Variants in GPAA1 observed in about 807,000 individuals in gnomAD.
GPAA1 encodes glycosylphosphatidylinositol anchor attachment 1.
A neutral mutation model predicts 64.0 loss-of-function variants in GPAA1; 54 were observed. The ratio of observed to expected loss-of-function variants is 0.84; its 90% CI spans 0.68 to 1.06. The LOEUF (loss-of-function observed/expected upper bound fraction) is 1.06. Among genes scored for constraint, GPAA1 ranks in the 50% least tolerant of loss-of-function variants. The pLI is 0.00. For synonymous variants in GPAA1, 393 were observed against 377.3 expected, an observed-to-expected ratio of 1.04 and a Z score of -0.48; for missense variants, 780 against 822.3, an observed-to-expected ratio of 0.95 and a Z score of 0.63.
At position 144,084,274 on chromosome 8, in the gene GPAA1, A is replaced by G; in HGVS notation, c.757A>G (p.Asn253Asp). 2 of 1,613,800 alleles carry G rather than the reference A, an allele frequency of 1.2e-6. No individual in the cohort carries two copies. Among genetic ancestry groups the G allele is most frequent in the Non-Finnish European group, 1.7e-6 (2 of 1,180,004 alleles). ...GCAGCTGCCCAACCTTGACCTGCTC[A>G]ATCTCTTCCAGACCTTCTGCCAGAA... ...NGQLPNLDLL[N>D]LFQTFCQKGG... Residue 253 changes from asparagine (N) to aspartate (D), a missense_variant, in exon 6 of 12, where the codon AAT (asparagine) becomes GAT (aspartate). Asn to Asp is a conservative substitution (Grantham distance 23). Coordinates refer to ENST00000355091, the MANE Select transcript of GPAA1 (RefSeq NM_003801.4).
Position 144,086,135 on chromosome 8 carries a change from G to C in GPAA1, c.*10G>C. ...GCTCTTCTGGAAGTGAGATCTGCCT[G>C]TCCGGGCTGGGACAGAGACTCCCCA... On this transcript the variant is annotated 3_prime_UTR_variant, in exon 12 of 12. Coordinates refer to ENST00000355091, the MANE Select transcript of GPAA1 (RefSeq NM_003801.4). 6.2e-7 allele frequency: 1 copy of C among 1,608,644 alleles called. No individual in the cohort carries two copies. The highest frequency in any genetic ancestry group is 8.5e-7 in the Non-Finnish European group (1 of 1,176,862).
chr8:144,083,086 C>G, intron 1 of GPAA1, 38 bp from the exon 2 acceptor site: 3 of 1,584,928 alleles, frequency 1.9e-6, no homozygotes, highest in Non-Finnish European at 1.7e-6. Context: ...GTCTGAGGAC[C>G]CGCTGACGCT....
chr8:144,084,898 T>A (rs367573617), intron 8 of GPAA1, 23 bp downstream of exon 8: 1 of 1,612,368 alleles, frequency 6.2e-7, no homozygotes, highest in Non-Finnish European at 8.5e-7. Context: ...CCTTGCCATC[T>A]ACCTGTGACC....
chr8:144,084,745 A>C lies in GPAA1; in HGVS notation c.1034A>C (p.Lys345Thr), dbSNP rs1554764098. The C allele has an allele frequency of 1.2e-6, 2 of 1,613,880 alleles. No individual in the cohort carries two copies. The highest frequency in any genetic ancestry group is 1.7e-6 in the Non-Finnish European group (2 of 1,179,970). Reference protein sequence around the residue: ...VGKALEGMFRKLNHLLERLHQ... With the variant: ...VGKALEGMFRTLNHLLERLHQ... Reference sequence around the variant, plus strand: ...AGGGCTTTGGAGGGCATGTTCCGCAAGCTCAACCACCTCCTGGAGCGCCTG... The same window carrying C: ...AGGGCTTTGGAGGGCATGTTCCGCACGCTCAACCACCTCCTGGAGCGCCTG... The change falls in exon 8 of 12, where the codon AAG (lysine) becomes ACG (threonine). Residue 345 changes from lysine (K) to threonine (T), a missense_variant. Lys to Thr is a moderately conservative substitution (Grantham distance 78). Coordinates refer to ENST00000355091, the MANE Select transcript of GPAA1 (RefSeq NM_003801.4).
At chr8:144,082,850 C>T (rs986195968) in intron 1 of GPAA1, 46 bp downstream of exon 1, 3 of 1,319,006 alleles carry the variant, frequency 2.3e-6, no homozygotes, top group African/African-American at 3.1e-5. Context: ...GCCCTGGGCT[C>T]GCGCCGGCGG....
chr8:144,084,361 G>A, intron 6 of GPAA1, 31 bp downstream of exon 6: 1 of 1,611,986 alleles, frequency 6.2e-7, no homozygotes, highest in South Asian at 1.1e-5. Context: ...GAGGGCTGAA[G>A]GGCACAGGGT....
At position 144,083,242 on chromosome 8, in the gene GPAA1, G is replaced by T; in HGVS notation, c.193G>T (p.Ala65Ser). 3 of 1,609,352 alleles carry T rather than the reference G, an allele frequency of 1.9e-6. No individual in the cohort carries two copies. The highest frequency in any genetic ancestry group is 2.5e-6 in the Non-Finnish European group (3 of 1,177,178). Reference protein sequence around the residue: ...MGSTMVEEQFAGGDRARAFAR... With the variant: ...MGSTMVEEQFSGGDRARAFAR... ...CTCCACCATGGTGGAGGAGCAGTTTGCGGGCGGAGACCGTGCCCGGGCTTT... is the reference window on the plus strand; with the variant it reads ...CTCCACCATGGTGGAGGAGCAGTTTTCGGGCGGAGACCGTGCCCGGGCTTT... The change falls in exon 2 of 12, where the codon GCG becomes TCG. Residue 65 changes from alanine to serine, a missense_variant. By Grantham distance (99) the Ala-to-Ser change is moderately conservative. Transcript: ENST00000355091.
chr8:144,085,078 A>G lies in GPAA1; in HGVS notation c.1200A>G (p.Gly400=). 6.2e-7 allele frequency: 1 copy of G among 1,610,918 alleles called. No homozygotes were observed. The highest frequency in any genetic ancestry group is 8.5e-7 in the Non-Finnish European group (1 of 1,178,620). The change falls in exon 9 of 12, where the codon GGA becomes GGG. Residue 400 remains glycine (G), a synonymous_variant. Coordinates refer to ENST00000355091, the MANE Select transcript of GPAA1 (RefSeq NM_003801.4). The part of the protein sequence containing the change: ...LELWMQLHEA[G]MGLEEPGGAP... ...TGTGGATGCAGCTGCATGAGGCTGG[A>G]ATGGGCCTTGAGGAGCCCGGGGGTG...
At chr8:144,085,854 C>T in intron 11 of GPAA1, 28 bp from the exon 12 acceptor site, 1 of 1,601,346 alleles carries the variant, frequency 6.2e-7, no homozygotes, top group African/African-American at 1.3e-5. Flanking sequence ...CACCATGGAG[C>T]CTACCTTGAT....
At position 144,086,169 on chromosome 8, in the gene GPAA1, A is replaced by G; in HGVS notation, c.*44A>G. The stretch of plus-strand genomic sequence containing the variant: ...GGGACAGAGACTCCCCAAGGACCCC[A>G]TTCTGCCTCCTTCTGGGGAAATAAA... On this transcript the variant is annotated 3_prime_UTR_variant, in exon 12 of 12. Transcript: ENST00000355091. The G allele has an allele frequency of 6.3e-7, 1 of 1,584,740 alleles. No homozygotes were observed. The highest frequency in any genetic ancestry group is 8.6e-7 in the Non-Finnish European group (1 of 1,161,556).
At chr8:144,083,026 C>G in intron 1 of GPAA1, 98 bp from the exon 2 acceptor site, 2 of 1,189,982 alleles carry the variant, frequency 1.7e-6, no homozygotes, top group Non-Finnish European at 2.4e-6. Flanking sequence ...TTAGGTCTCC[C>G]AGACCCGCGC....
rs782420137 is a variant in GPAA1 at position 144,084,487 on chromosome 8, G to T, written c.888G>T (p.Arg296=). 3.7e-6 allele frequency: 6 copies of T among 1,613,280 alleles called. No homozygotes were observed. In the South Asian group the frequency reaches 6.6e-5, roughly 18 times the overall value. ...AGACACTGCTGCTCATGGTTCTGCGGCAGGCCTCCGGCCGCCCCCACGGCT... is the reference window on the plus strand; with the variant it reads ...AGACACTGCTGCTCATGGTTCTGCGTCAGGCCTCCGGCCGCCCCCACGGCT... ...GLQTLLLMVL[R]QASGRPHGSH... The change falls in exon 7 of 12, where the codon CGG becomes CGT. Residue 296 remains arginine (R), a synonymous_variant. Transcript: ENST00000355091.
chr8:144,085,999 C>T lies in GPAA1; in HGVS notation c.1740C>T (p.Leu580=), dbSNP rs528572635. 24 of 1,610,172 alleles carry T rather than the reference C, an allele frequency of 1.5e-5. No homozygotes were observed. Among genetic ancestry groups the T allele is most frequent in the Middle Eastern group, 1.7e-4 (1 of 6,036 alleles). Residue 580 remains leucine (L), a synonymous_variant, in exon 12 of 12, where the codon CTC becomes CTT. Coordinates refer to ENST00000355091, the MANE Select transcript of GPAA1 (RefSeq NM_003801.4). ...TGTCACTGGCCGAGGGCTGGCAGCT[C>T]TTCCTGGCAGCGCTAGCCCAGGGTG... ...APLSLAEGWQ[L]FLAALAQGVL...
rs368019133 is a variant in GPAA1 at position 144,084,457 on chromosome 8, C to T, written c.858C>T (p.Gly286=). Residue 286 remains glycine (G), a synonymous_variant, in exon 7 of 12, where the codon GGC becomes GGT. Coordinates refer to ENST00000355091, the MANE Select transcript of GPAA1 (RefSeq NM_003801.4). ...CATCATTGGATGGACCGCTGCAGGG[C>T]CTGCAGACACTGCTGCTCATGGTTC... ...DWTSLDGPLQ[G]LQTLLLMVLR... is the part of the protein sequence containing the mutation. The T allele has an allele frequency of 1.0e-4, 164 of 1,613,082 alleles. No homozygotes were observed. In the African/African-American group the frequency reaches 2.0e-3, roughly 20 times the overall value.
In GPAA1 at chr8:144,085,761, C is replaced by G. The variant is rs1554764288; in HGVS notation, c.1622+18C>G. 2 of 1,609,986 alleles carry G rather than the reference C, an allele frequency of 1.2e-6. No homozygotes were observed. ...GGGCCCCGGTATGTATGGATCAGCC[C>G]CACTTCCCCCAATGCCTGTGCCCTC... On this transcript the variant is annotated intron_variant, in intron 11 of 11. Transcript: ENST00000355091.
rs1314042787 is a variant in GPAA1 at position 144,083,501 on chromosome 8, G to A, written c.366+1G>A. On this transcript the variant is annotated splice_donor_variant, in intron 3 of 11. Coordinates refer to ENST00000355091, the MANE Select transcript of GPAA1 (RefSeq NM_003801.4). LOFTEE classifies it high-confidence loss of function. The stretch of plus-strand genomic sequence containing the variant: ...CCCAGATGAGACCCACGAGCGCTAT[G>A]TACTGGGGGAGTGGGGTGTGCCTGG... 10 of 1,605,372 alleles carry A rather than the reference G, an allele frequency of 6.2e-6. No individual in the cohort carries two copies. Among genetic ancestry groups the A allele is most frequent in the Non-Finnish European group, 8.5e-6 (10 of 1,172,266 alleles).
At chr8:144,082,981 G>A in intron 1 of GPAA1, 143 bp from the exon 2 acceptor site, 1 of 906,732 alleles carries the variant, frequency 1.1e-6, no homozygotes, top group Non-Finnish European at 1.6e-6. Context: ...CAGGCTTAGG[G>A]CTCGGGTCCG....
chr8:144,085,766 TC>T, intron 11 of GPAA1, 23 bp downstream of exon 11: 1 of 1,609,406 alleles, frequency 6.2e-7, no homozygotes, highest in Non-Finnish European at 8.5e-7. Flanking sequence ...CAGCCCCACT[TC>T]CCCCAATGCC....
chr8:144,083,964 C>T lies in GPAA1; in HGVS notation c.540C>T (p.Ile180=), dbSNP rs782422005. The T allele has an allele frequency of 1.2e-6, 2 of 1,613,924 alleles. No individual in the cohort carries two copies. Among genetic ancestry groups the T allele is most frequent in the Non-Finnish European group, 1.7e-6 (2 of 1,179,906 alleles). The change falls in exon 5 of 12, where the codon ATC becomes ATT. Residue 180 remains isoleucine, a synonymous_variant. Transcript: ENST00000355091. ...FRGQIYWAKD[I]VFLVTEHDLL... Reference sequence around the variant, plus strand: ...GGCAGATTTATTGGGCCAAAGATATCGTCTTCCTGGTAACAGAACATGACC... The same window carrying T: ...GGCAGATTTATTGGGCCAAAGATATTGTCTTCCTGGTAACAGAACATGACC...
Sources: allele counts gnomAD v4.1 joint callset, GRCh38; gene constraint gnomAD v4.1.1; transcripts MANE v1.5; gene names NCBI Gene and HGNC (gene_info 2026-07-23, HGNC 2026-07-21).